Variants in RCC1L observed in about 807,000 individuals in gnomAD.
RCC1L encodes the protein RCC1-like G exchanging factor-like protein.
RCC1L carries 46 observed loss-of-function variants against 58.6 expected under a neutral mutation model. The observed-to-expected ratio is 0.79, with a 90% CI of 0.62 to 1.00. The LOEUF (loss-of-function observed/expected upper bound fraction) is 1.00. Among genes scored for constraint, RCC1L ranks in the 50% least tolerant of loss-of-function variants. RCC1L has a pLI of 0.00. For synonymous variants in RCC1L, 281 were observed against 262.9 expected, an observed-to-expected ratio of 1.07 and a Z score of -0.67; for missense variants, 636 against 623.6, an observed-to-expected ratio of 1.02 and a Z score of -0.21.
intron 9 of RCC1L, among the ~76,000 whole-genome samples, chr7:75,054,364 A>C (rs1806012536): frequency 6.6e-6 from 1 of 151,970 alleles, no homozygotes. Flanking sequence ...GCAGTAACTC[A>C]CCCTTAGAAG....
chr7:75,056,153 C>G (rs1806072534), intron 8 of RCC1L, 79 bp from the exon 9 acceptor site: 1 of 1,533,542 alleles, frequency 6.5e-7, no homozygotes, highest in East Asian at 2.2e-5. Flanking sequence ...ACTACACCAC[C>G]AAGGTTTATG....
At chr7:75,045,580 A>C (rs949825439) in intron 10 of RCC1L, among the ~76,000 whole-genome samples, 1 of 150,446 alleles carries the variant, frequency 6.6e-6, no homozygotes, top group African/African-American at 2.5e-5. Flanking sequence ...CAGTGGCGCA[A>C]TCTCAGTTCA....
At chr7:75,029,819 G>A (rs1805251258) in intron 10 of RCC1L, among the ~76,000 whole-genome samples, 1 of 152,176 alleles carries the variant, frequency 6.6e-6, no homozygotes, top group East Asian at 1.9e-4. Context: ...AAAGACATTG[G>A]CTTTGGGTAC....
intron 10 of RCC1L, among the ~76,000 whole-genome samples, chr7:75,044,488 A>T (rs1805658801): frequency 6.7e-6 from 1 of 148,948 alleles, no homozygotes; most frequent in Non-Finnish European, 1.5e-5. Flanking sequence ...AACCCCAGCT[A>T]CTCGGGAGGC....
downstream of RCC1L, among the ~76,000 whole-genome samples, chr7:75,040,472 A>G (rs1805529211): frequency 3.9e-5 from 6 of 152,058 alleles, no homozygotes; most frequent in South Asian, 1.3e-3. Context: ...ACAAACAAAC[A>G]AAAAAGATCA....
At chr7:75,051,419 T>G (rs1214513454) in intron 10 of RCC1L, among the ~76,000 whole-genome samples, 1 of 151,588 alleles carries the variant, frequency 6.6e-6, no homozygotes, top group Non-Finnish European at 1.5e-5. Context: ...GCAAGTCCTT[T>G]GTTTTTTTTT....
chr7:75,039,988 G>A (rs1805516570), downstream of RCC1L, among the ~76,000 whole-genome samples: 1 of 152,162 alleles, frequency 6.6e-6, no homozygotes, highest in Admixed American at 6.5e-5. Flanking sequence ...TGCAGGCACA[G>A]GTGACAGCTG....
chr7:75,043,451 C>T lies in RCC1L; in HGVS notation c.1318-342G>A, dbSNP rs958761216. ...GGCAGGAACATGGGCCTGTGTGCAT[C>T]CCTGGAACCTGCACGCCCTACAGGG... On this transcript the variant is annotated intron_variant, in intron 10 of 10. Coordinates refer to ENST00000610322, the MANE Select transcript of RCC1L (RefSeq NM_030798.5). Among the ~76,000 whole-genome samples, 536 of 152,322 alleles carry T rather than the reference C, an allele frequency of 3.5e-3. 2 individuals are homozygous for T. The highest frequency in any genetic ancestry group is 0.017 in the Middle Eastern group (5 of 294).
At chr7:75,048,403 G>A (rs1003128335) in intron 10 of RCC1L, among the ~76,000 whole-genome samples, 3 of 152,280 alleles carry the variant, frequency 2.0e-5, no homozygotes, top group East Asian at 3.9e-4. Flanking sequence ...CAGGGCCCAC[G>A]GGGAGGGGAA....
In RCC1L at chr7:75,066,706, A is replaced by G; in HGVS notation, c.541T>C (p.Cys181Arg). The G allele has an allele frequency of 6.2e-7, 1 of 1,613,456 alleles. No homozygotes were observed. Among genetic ancestry groups the G allele is most frequent in the Non-Finnish European group, 8.5e-7 (1 of 1,179,668 alleles). The change falls in exon 3 of 11, where the codon TGC becomes CGC. Residue 181 changes from cysteine (C) to arginine (R), a missense_variant. By Grantham distance (180) the Cys-to-Arg change is radical. Coordinates refer to ENST00000610322, the MANE Select transcript of RCC1L (RefSeq NM_030798.5). ...AACACAAGAGAGTGAGCTCGGCCGC[A>G]GGAGACCTGCAGCACCCGTGTCTCC... ...PQETRVLQVS[C>R]GRAHSLVLTD...
chr7:75,049,541 T>C (rs2131984049), intron 10 of RCC1L, among the ~76,000 whole-genome samples: 1 of 151,806 alleles, frequency 6.6e-6, no homozygotes, highest in Non-Finnish European at 1.5e-5. Flanking sequence ...ATGCCTGTCA[T>C]CCCATCCCAC....
At chr7:75,056,391 C>T (rs1000646905) in intron 8 of RCC1L, 97 of 946,680 alleles carry the variant, frequency 1.0e-4, no homozygotes, top group Non-Finnish European at 1.4e-4. Flanking sequence ...AAAACCCATA[C>T]GAATACCAGA....
intron 10 of RCC1L, among the ~76,000 whole-genome samples, chr7:75,047,130 G>T (rs1009446462): frequency 1.3e-5 from 2 of 151,764 alleles, no homozygotes; most frequent in African/African-American, 4.8e-5. Context: ...GCTAATATTT[G>T]TATTTTTAGT....
chr7:75,067,302 G>GCAAAAAAAAAAAAAA (rs1563079486), intron 2 of RCC1L, among the ~76,000 whole-genome samples: 5 of 129,644 alleles, frequency 3.9e-5, no homozygotes, highest in African/African-American at 1.4e-4. Flanking sequence ...ACTTCATCTG[G>GCAAAAAAAAAAAAAA]AAAAAAAAAA....
intron 10 of RCC1L, among the ~76,000 whole-genome samples, chr7:75,036,360 G>A (rs1045597868): frequency 1.4e-5 from 2 of 147,222 alleles, no homozygotes; most frequent in South Asian, 2.2e-4. Context: ...GACCTCAGGT[G>A]ACCTGCCCGC....
At chr7:75,071,874 C>T (rs1219865447) in intron 1 of RCC1L, among the ~76,000 whole-genome samples, 1 of 151,500 alleles carries the variant, frequency 6.6e-6, no homozygotes, top group African/African-American at 2.4e-5. Flanking sequence ...ATAGCTAAAG[C>T]CCTTATAGGG....
At chr7:75,057,846 CA>C in intron 7 of RCC1L, 2 of 573,184 alleles carry the variant, frequency 3.5e-6, no homozygotes, top group East Asian at 3.1e-5. Context: ...AGGCAGATGT[CA>C]ACCAAAATTA....
chr7:75,028,100 C>T (rs1805188462), intron 10 of RCC1L: 2 of 1,498,370 alleles, frequency 1.3e-6, no homozygotes, highest in Non-Finnish European at 1.8e-6. Flanking sequence ...AGGAAGAGGG[C>T]TCTCTATGAT....
At chr7:75,066,311 T>G (rs1197897769) in intron 3 of RCC1L, among the ~76,000 whole-genome samples, 1 of 151,494 alleles carries the variant, frequency 6.6e-6, no homozygotes, top group African/African-American at 2.4e-5. Flanking sequence ...ATTAGCTGGA[T>G]GTGGTGGCGG....
Sources: allele counts gnomAD v4.1 joint callset (sites outside exome capture counted in the v4.1 genomes callset), GRCh38; gene constraint gnomAD v4.1.1; transcripts MANE v1.5; gene names NCBI Gene and HGNC (gene_info 2026-07-23, HGNC 2026-07-21).